Variants in OSBPL2 observed in about 807,000 individuals in gnomAD.
The protein encoded by OSBPL2 is oxysterol-binding protein-related protein 2.
A neutral mutation model predicts 58.4 loss-of-function variants in OSBPL2; 18 were observed. The observed-to-expected ratio is 0.31, with a 90% CI of 0.21 to 0.46. The LOEUF (loss-of-function observed/expected upper bound fraction) is 0.46. OSBPL2 is among the 20% of genes least tolerant of loss of function. The pLI is 1.00. For synonymous variants in OSBPL2, 221 were observed against 234.1 expected (o/e 0.94, Z 0.51); for missense variants, 461 against 616.5 (o/e 0.75, Z 2.67).
chr20:62,264,948 C>T (rs558859637), intron 4 of OSBPL2, among the ~76,000 whole-genome samples: 1 of 152,128 alleles, frequency 6.6e-6, no homozygotes, highest in Non-Finnish European at 1.5e-5. Flanking sequence ...AGTGAGGTAC[C>T]CTTGCCAGGG....
Position 62,280,557 on chromosome 20 carries a change from G to T in OSBPL2, c.675-501G>T, listed in dbSNP as rs139762684. Among the ~76,000 whole-genome samples, 667 of 152,286 alleles carry T rather than the reference G, an allele frequency of 4.4e-3. 2 individuals carry two copies. Among genetic ancestry groups the T allele is most frequent in the Admixed American group, 7.5e-3 (114 of 15,302 alleles). ...CCCCACGTAGCACCTTAGAACATAG[G>T]GCTGCTGATCTGCTGCCTCACATTG... On this transcript the variant is annotated intron_variant, in intron 7 of 13. Coordinates refer to ENST00000313733, the MANE Select transcript of OSBPL2 (RefSeq NM_144498.4).
rs1466847735 is a variant in OSBPL2 at position 62,293,929 on chromosome 20, G to A, written c.*42G>A. On this transcript the variant is annotated 3_prime_UTR_variant, in exon 14 of 14. Coordinates refer to ENST00000313733, the MANE Select transcript of OSBPL2 (RefSeq NM_144498.4). Reference sequence around the variant, plus strand: ...GGGGCCCGGGACCGGAGGCTGACGAGGCTGGACTTCCTCGAGTGGCCACTG... The same window carrying A: ...GGGGCCCGGGACCGGAGGCTGACGAAGCTGGACTTCCTCGAGTGGCCACTG... 2 of 1,601,470 alleles carry A rather than the reference G, an allele frequency of 1.2e-6. No homozygotes were observed. The highest frequency in any genetic ancestry group is 3.5e-5 in the Admixed American group (2 of 56,970).
chr20:62,267,883 T>TTTA (rs1555848357), intron 4 of OSBPL2, among the ~76,000 whole-genome samples: 32 of 151,188 alleles, frequency 2.1e-4, no homozygotes, highest in Non-Finnish European at 4.0e-4. Context: ...CTGCATTATT[T>TTTA]TTTATTTATT....
chr20:62,244,482 T>G (rs186629767), intron 1 of OSBPL2, among the ~76,000 whole-genome samples: 40 of 152,382 alleles, frequency 2.6e-4, no homozygotes, highest in Admixed American at 1.9e-3. Context: ...ATGCGCCCTG[T>G]CCATTGCCTT....
At chr20:62,289,077 G>A in intron 11 of OSBPL2, 130 bp from the exon 12 acceptor site, 1 of 953,484 alleles carries the variant, frequency 1.0e-6, no homozygotes, top group Non-Finnish European at 1.6e-6. Context: ...GAAGACGTGA[G>A]CGGAAGTAGG....
At chr20:62,245,933 T>A (rs1980074987) in intron 1 of OSBPL2, among the ~76,000 whole-genome samples, 1 of 152,250 alleles carries the variant, frequency 6.6e-6, no homozygotes, top group Non-Finnish European at 1.5e-5. Flanking sequence ...AAGGCGTGTT[T>A]CAGTGAGCAC....
At chr20:62,251,317 G>A (rs1217136599) in intron 1 of OSBPL2, among the ~76,000 whole-genome samples, 2 of 150,910 alleles carry the variant, frequency 1.3e-5, no homozygotes, top group Admixed American at 6.6e-5. Context: ...GCCTCGCAAA[G>A]TGCTGGGATT....
intron 2 of OSBPL2, chr20:62,258,860 A>C (rs1231648124): frequency 6.6e-6 from 1 of 152,250 alleles, no homozygotes; most frequent in Non-Finnish European, 1.5e-5. Context: ...AGAGAGCAAA[A>C]CATGAGAGAT....
At chr20:62,246,470 G>A (rs1351902951) in intron 1 of OSBPL2, among the ~76,000 whole-genome samples, 1 of 152,228 alleles carries the variant, frequency 6.6e-6, no homozygotes, top group Non-Finnish European at 1.5e-5. Flanking sequence ...CAAAAGAAAC[G>A]AGATTGTGGC....
chr20:62,277,793 A>G (rs1052688882), intron 6 of OSBPL2, among the ~76,000 whole-genome samples: 4 of 152,198 alleles, frequency 2.6e-5, no homozygotes, highest in Admixed American at 2.0e-4. Context: ...AATGACTACA[A>G]CTGTAGGTGT....
chr20:62,275,385 C>T (rs1320343586), intron 6 of OSBPL2, among the ~76,000 whole-genome samples: 1 of 151,496 alleles, frequency 6.6e-6, no homozygotes, highest in Non-Finnish European at 1.5e-5. Flanking sequence ...AGCACTTCTA[C>T]ATGTCAGTTT....
rs1983737267 is a variant in OSBPL2 at position 62,294,541 on chromosome 20, G to C, written c.*654G>C. ...AGAGCAAGATATGCATTAATCACCG[G>C]TTTTATACTGTCCAAAATGAAGCAT... On this transcript the variant is annotated 3_prime_UTR_variant, in exon 14 of 14. Coordinates refer to ENST00000313733, the MANE Select transcript of OSBPL2 (RefSeq NM_144498.4). 1 of 152,316 alleles carries C rather than the reference G, an allele frequency of 6.6e-6. No individual in the cohort carries two copies. The allele number at this position is 152,316 out of a possible 1,614,324, so 9.4% of individuals were successfully genotyped here. A position where few individuals can be genotyped will look rare whatever the true frequency, so the allele number is the denominator to read the frequency against.
intron 6 of OSBPL2, among the ~76,000 whole-genome samples, chr20:62,276,177 A>G (rs971798651): frequency 5.9e-5 from 9 of 152,308 alleles, no homozygotes; most frequent in Middle Eastern, 3.4e-3. Flanking sequence ...TTGGCCTCCC[A>G]AAGTGCTGGG....
chr20:62,272,426 G>A (rs1262740655), intron 5 of OSBPL2, among the ~76,000 whole-genome samples, 167 bp downstream of exon 5: 1 of 152,186 alleles, frequency 6.6e-6, no homozygotes, highest in Admixed American at 6.5e-5. Flanking sequence ...GTCACCACAG[G>A]TGTGTGATGA....
At chr20:62,260,750 G>A (rs1342600168) in intron 3 of OSBPL2, among the ~76,000 whole-genome samples, 1 of 152,196 alleles carries the variant, frequency 6.6e-6, no homozygotes, top group African/African-American at 2.4e-5. Context: ...CACTTTGGGA[G>A]GCTGAGACAG....
At chr20:62,248,039 T>C (rs1451244256) in intron 1 of OSBPL2, among the ~76,000 whole-genome samples, 1 of 152,176 alleles carries the variant, frequency 6.6e-6, no homozygotes, top group Non-Finnish European at 1.5e-5. Context: ...AAATACCACA[T>C]AAGGCTCTGT....
chr20:62,276,300 G>T (rs1046632473), intron 6 of OSBPL2, among the ~76,000 whole-genome samples: 1 of 152,246 alleles, frequency 6.6e-6, no homozygotes, highest in Non-Finnish European at 1.5e-5. Flanking sequence ...TGTGTAAAGA[G>T]TTTAAAAGTG....
intron 2 of OSBPL2, among the ~76,000 whole-genome samples, chr20:62,256,434 C>T (rs144248986): frequency 3.7e-4 from 56 of 152,240 alleles, no homozygotes; most frequent in African/African-American, 1.2e-3. Context: ...TTAAGTCTCC[C>T]GAAGAGTTTC....
chr20:62,256,052 T>G lies in OSBPL2; in HGVS notation c.-128-5T>G. The G allele has an allele frequency of 9.1e-7, 1 of 1,098,648 alleles. No individual in the cohort carries two copies. Among genetic ancestry groups the G allele is most frequent in the Non-Finnish European group, 1.3e-6 (1 of 779,670 alleles). The allele number at this position is 1,098,648 out of a possible 1,614,324, so 68.1% of individuals were successfully genotyped here. On this transcript the variant is annotated splice_region_variant and splice_polypyrimidine_tract_variant and intron_variant, in intron 1 of 13. Transcript: ENST00000313733. The stretch of plus-strand genomic sequence containing the variant: ...CTAAGTATGCCAAAATTTTTTTCCC[T>G]TTAGATCTTCAGTGTCTATTGGATT...
Sources: allele counts gnomAD v4.1 joint callset (sites outside exome capture counted in the v4.1 genomes callset), GRCh38; gene constraint gnomAD v4.1.1; transcripts MANE v1.5; gene names NCBI Gene and HGNC (gene_info 2026-07-23, HGNC 2026-07-21).